ABCC5: variants seen among roughly 807,000 people sequenced by gnomAD.
ABCC5 encodes the protein ATP binding cassette subfamily C member 5.
Under a neutral mutation model 160.9 loss-of-function variants are expected in ABCC5, and 61 were observed. The ratio of observed to expected loss-of-function variants is 0.38; its 90% CI spans 0.31 to 0.47. The LOEUF is 0.47. Among genes scored for constraint, ABCC5 ranks in the 20% least tolerant of loss-of-function variants. ABCC5 has a pLI of 0.99. For missense variants in ABCC5, 1,308 were observed against 1,813.3 expected (o/e 0.72, Z 5.06); for synonymous variants, 666 against 700.6 (o/e 0.95, Z 0.78).
intron 2 of ABCC5, among the ~76,000 whole-genome samples, chr3:183,996,279 C>G (rs183344731): frequency 2.0e-5 from 3 of 152,176 alleles, no homozygotes; most frequent in Admixed American, 2.0e-4. Context: ...TGCCTCCGAT[C>G]TGTAAGACTA....
rs112815623 is a variant in ABCC5, at chr3:183,947,199, C to T, written c.3414+125G>A. The T allele has an allele frequency of 2.5e-3, 2,638 of 1,049,764 alleles. 63 individuals carry two copies. In the African/African-American group the frequency reaches 0.038, roughly 15 times the overall value. 65.0% of individuals were successfully genotyped at this position (1,049,764 alleles called of 1,614,324 possible). A position where few individuals can be genotyped will look rare whatever the true frequency, so the allele number is the denominator to read the frequency against. On this transcript the variant is annotated intron_variant, in intron 23 of 29. Coordinates refer to ENST00000334444, the MANE Select transcript of ABCC5 (RefSeq NM_005688.4). ...TGTTACGGTCAAATCAGACCATGAG[C>T]AATTCTAGGGGTCCAGAGGTGAAAT...
intron 1 of ABCC5, among the ~76,000 whole-genome samples, chr3:184,015,761 T>G (rs1386581190): frequency 2.0e-5 from 3 of 150,628 alleles, no homozygotes; most frequent in Non-Finnish European, 4.4e-5. Context: ...CAAGCCAGAG[T>G]GCAGCAATCA....
intron 2 of ABCC5, among the ~76,000 whole-genome samples, chr3:184,011,814 T>C (rs1475708342): frequency 6.6e-6 from 1 of 152,190 alleles, no homozygotes; most frequent in Non-Finnish European, 1.5e-5. Flanking sequence ...TTATATACTA[T>C]ATGATTCAAT....
At chr3:183,989,041 C>T (rs1039224915) in intron 3 of ABCC5, among the ~76,000 whole-genome samples, 185 bp downstream of exon 3, 3 of 151,150 alleles carry the variant, frequency 2.0e-5, no homozygotes, top group African/African-American at 4.9e-5. Flanking sequence ...TGGTGGTGCA[C>T]GCCTGTAGTC....
At chr3:183,998,052 G>C (rs1720421008) in intron 2 of ABCC5, among the ~76,000 whole-genome samples, 1 of 152,074 alleles carries the variant, frequency 6.6e-6, no homozygotes, top group South Asian at 2.1e-4. Flanking sequence ...GCTTCGGAAA[G>C]TGCTGGGATT....
chr3:183,966,292 T>C (rs1174664097), intron 12 of ABCC5, among the ~76,000 whole-genome samples: 3 of 152,214 alleles, frequency 2.0e-5, no homozygotes, highest in East Asian at 3.9e-4. Context: ...CACAAACTGG[T>C]AGCATTCTGA....
rs1015603293 is a variant in ABCC5, at chr3:183,963,023, T to A, written c.2235+362A>T. Among the ~76,000 whole-genome samples the A allele has an allele frequency of 6.6e-6, 1 of 152,218 alleles. No homozygotes were observed. The highest frequency in any genetic ancestry group is 1.5e-5 in the Non-Finnish European group (1 of 68,034). On this transcript the variant is annotated intron_variant, in intron 15 of 29. Coordinates refer to ENST00000334444, the MANE Select transcript of ABCC5 (RefSeq NM_005688.4). The surrounding 1 kb of genome is among the most constrained non-coding windows in gnomAD (Gnocchi z 4.6). ...TGCTCTCCAAAGTGCCTGCTTATGA[T>A]GGAATGGCAGAGGGAGAAAAGCTTG... is the stretch of plus-strand genomic sequence containing the variant.
In ABCC5 at chr3:183,927,432, T is replaced by C; in HGVS notation, c.3945A>G (p.Leu1315=). The change falls in exon 28 of 30, where the codon CTA becomes CTG. Residue 1315 remains leucine (L), a synonymous_variant. Transcript: ENST00000334444. ...TCACTTCAGATTCAAGTTTCAGAGGTAGCTGAGCAATCTAGGGAGAAAGAA... is the reference window on the plus strand; with the variant it reads ...TCACTTCAGATTCAAGTTTCAGAGGCAGCTGAGCAATCTAGGGAGAAAGAA... ...RTHMKECIAQ[L]PLKLESEVME... The C allele has an allele frequency of 3.7e-6, 6 of 1,612,702 alleles. No individual in the cohort carries two copies. The highest frequency in any genetic ancestry group is 4.2e-6 in the Non-Finnish European group (5 of 1,179,312).
In ABCC5 at chr3:183,987,438, C is replaced by T. The variant is rs1719319856; in HGVS notation, c.591+332G>A. The T allele has an allele frequency of 1.8e-6, 1 of 567,914 alleles. No homozygotes were observed. The highest frequency in any genetic ancestry group is 3.1e-5 in the Admixed American group (1 of 31,786). 35.2% of individuals were successfully genotyped at this position (567,914 alleles called of 1,614,324 possible). A position where few individuals can be genotyped will look rare whatever the true frequency, so the allele number is the denominator to read the frequency against. On this transcript the variant is annotated intron_variant, in intron 5 of 29. Transcript: ENST00000334444. This position sits in a 1 kb window ranked among gnomAD's most constrained non-coding sequence, Gnocchi z 4.2. ...CCGGGCCACACAACGTGCTCTCACC[C>T]ACTCATAGCACTGCAAGACACATCT...
chr3:184,000,277 G>C (rs1227726646), intron 2 of ABCC5, among the ~76,000 whole-genome samples: 1 of 151,700 alleles, frequency 6.6e-6, no homozygotes, highest in African/African-American at 2.4e-5. Flanking sequence ...CAGGACCATC[G>C]GGCTGAAGTG....
intron 2 of ABCC5, among the ~76,000 whole-genome samples, chr3:183,992,347 G>T (rs1189458725): frequency 6.6e-6 from 1 of 152,194 alleles, no homozygotes; most frequent in African/African-American, 2.4e-5. Flanking sequence ...CTACACTCCA[G>T]ACTGGGCAAC....
chr3:183,926,739 T>C (rs1180949933), intron 28 of ABCC5, among the ~76,000 whole-genome samples: 2 of 151,844 alleles, frequency 1.3e-5, no homozygotes, highest in African/African-American at 4.8e-5. Flanking sequence ...GACCTTAAAG[T>C]CTCTTGCAAT....
chr3:183,982,566 C>CT lies in ABCC5; in HGVS notation c.883dup (p.Ser295LysfsTer17). 1 of 1,614,162 alleles carries CT rather than the reference C, an allele frequency of 6.2e-7. No homozygotes were observed. Among genetic ancestry groups the CT allele is most frequent in the Non-Finnish European group, 8.5e-7 (1 of 1,180,042 alleles). On this transcript the variant is annotated frameshift_variant, in exon 7 of 30. Transcript: ENST00000334444. LOFTEE classifies it high-confidence loss of function. This position sits in a 1 kb window ranked among gnomAD's most constrained non-coding sequence, Gnocchi z 5.2. ...AACAACGGGTCCTCCAGCCAGCAGGCTGCCAACGGCTGCTGCCTCAAACAT... is the reference window on the plus strand; with the variant it reads ...AACAACGGGTCCTCCAGCCAGCAGGCTTGCCAACGGCTGCTGCCTCAAACAT...
chr3:183,951,430 G>C lies in ABCC5; in HGVS notation c.2944+11C>G. 6.2e-7 allele frequency: 1 copy of C among 1,613,692 alleles called. No individual in the cohort carries two copies. The highest frequency in any genetic ancestry group is 8.5e-7 in the Non-Finnish European group (1 of 1,179,872). ...CTCCAGAGTATTAAAAAAAGGCTCAGTGAGAAATACCTTCATCCATGTCTT... is the reference window on the plus strand; with the variant it reads ...CTCCAGAGTATTAAAAAAAGGCTCACTGAGAAATACCTTCATCCATGTCTT... On this transcript the variant is annotated intron_variant, in intron 20 of 29. Transcript: ENST00000334444. This position sits in a 1 kb window ranked among gnomAD's most constrained non-coding sequence, Gnocchi z 4.7.
intron 10 of ABCC5, among the ~76,000 whole-genome samples, chr3:183,977,048 T>C (rs1341582883): frequency 2.6e-5 from 4 of 152,220 alleles, no homozygotes; most frequent in Non-Finnish European, 4.4e-5. Context: ...ACTATTTCCA[T>C]GTAACTGCTT....
At chr3:183,967,399 C>T (rs905947376) in intron 12 of ABCC5, 8 of 346,830 alleles carry the variant, frequency 2.3e-5, no homozygotes, top group Admixed American at 1.6e-4. Flanking sequence ...TTTCAATACA[C>T]GGGCATACCT....
At position 183,971,552 on chromosome 3, in the gene ABCC5, G is replaced by A. The variant is rs28365012; in HGVS notation, c.1761+11C>T. On this transcript the variant is annotated intron_variant, in intron 11 of 29. Coordinates refer to ENST00000334444, the MANE Select transcript of ABCC5 (RefSeq NM_005688.4). ...GGGTGCGGGCAGGGAGGCAGGGGGC[G>A]GACCACTTACCTCTTGGATCTCCAG... 1,834 of 1,610,462 alleles carry A rather than the reference G, an allele frequency of 1.1e-3. 25 individuals are homozygous for A. The African/African-American group carries it at 0.021, about 19-fold the overall frequency.
chr3:184,006,629 T>C (rs1721233264), intron 2 of ABCC5, among the ~76,000 whole-genome samples: 1 of 152,206 alleles, frequency 6.6e-6, no homozygotes, highest in African/African-American at 2.4e-5. Context: ...TGGTTACTTT[T>C]TTTCTACAAC....
chr3:183,923,088 T>C (rs542277668), intron 29 of ABCC5, among the ~76,000 whole-genome samples: 47 of 152,196 alleles, frequency 3.1e-4, no homozygotes, highest in Non-Finnish European at 2.2e-4. Context: ...TAAGTCAGTG[T>C]ATTACAATGC....
Sources: allele counts gnomAD v4.1 joint callset (sites outside exome capture counted in the v4.1 genomes callset), GRCh38; gene constraint gnomAD v4.1.1; non-coding constraint Gnocchi (gnomAD v3.1); transcripts MANE v1.5; gene names NCBI Gene and HGNC (gene_info 2026-07-23, HGNC 2026-07-21).